The following RNF213 variants were observed in gnomAD, a reference collection of about 807,000 sequenced individuals.
RNF213 encodes the protein E3 ubiquitin-protein ligase RNF213.
In RNF213, 341 loss-of-function variants were observed where a neutral mutation model predicts 514.4. That is an observed-to-expected ratio of 0.66 (90% confidence interval 0.61 to 0.73). The LOEUF (loss-of-function observed/expected upper bound fraction) is 0.73, where lower values mean the gene tolerates loss of function less well. RNF213 is among the 30% of genes least tolerant of loss of function. The pLI is 0.00. For missense variants in RNF213, 5,767 were observed against 6,615.6 expected (o/e 0.87, Z 4.45); for synonymous variants, 2,655 against 2,658.2 (o/e 1.00, Z 0.04).
At chr17:80,386,119 A>T (rs773192577) in intron 61 of RNF213, 131 bp from the exon 62 acceptor site, 6 of 820,330 alleles carry the variant, frequency 7.3e-6, no homozygotes, top group Non-Finnish European at 1.0e-5. Context: ...AGCATATGAG[A>T]TGGGGCAGAA....
rs2078227240 is a variant in RNF213, at chr17:80,343,708, C to T, written c.6184-149C>T. ...TAGTATTAGGATTTTATGGGGCTGC[C>T]CTTGGAGACATGGGCCGTTGTTGGC... is the stretch of plus-strand genomic sequence containing the variant. On this transcript the variant is annotated intron_variant, in intron 27 of 67. Transcript: ENST00000582970. This position sits in a 1 kb window ranked among gnomAD's most constrained non-coding sequence, Gnocchi z 4.3. The T allele has an allele frequency of 1.2e-6, 1 of 837,100 alleles. No individual in the cohort carries two copies. The highest frequency in any genetic ancestry group is 2.1e-6 in the Non-Finnish European group (1 of 483,200). The allele number at this position is 837,100 out of a possible 1,614,324, so 51.9% of individuals were successfully genotyped here.
Position 80,288,079 on chromosome 17 carries a change from G to C in RNF213, c.526G>C (p.Ala176Pro). The C allele has an allele frequency of 6.2e-7, 1 of 1,609,098 alleles. No homozygotes were observed. The highest frequency in any genetic ancestry group is 1.3e-5 in the African/African-American group (1 of 74,924). ...PTEVGDSPLQ[A>P]QALGEAGVAT... is the part of the protein sequence containing the mutation. ...CGAGGTTGGCGACAGCCCCCTGCAG[G>C]CCCAGGCTTTGGGAGAGGCAGGAGT... The change falls in exon 4 of 68, where the codon GCC becomes CCC. Residue 176 changes from alanine (A) to proline (P), a missense_variant. Transcript: ENST00000582970. The surrounding 1 kb of genome is among the most constrained non-coding windows in gnomAD (Gnocchi z 4.9).
At chr17:80,341,643 T>C (rs7207660) in intron 26 of RNF213, 105,284 of 151,968 alleles carry the variant, frequency 0.69, 36,867 homozygotes, top group Middle Eastern at 0.73. Flanking sequence ...AAGGCTGACT[T>C]GGGAGGATCG....
rs2079731411 is a variant in RNF213, at chr17:80,375,826, A to G, written c.13141A>G (p.Ile4381Val). The G allele has an allele frequency of 1.9e-6, 3 of 1,614,152 alleles. No individual in the cohort carries two copies. Among genetic ancestry groups the G allele is most frequent in the South Asian group, 1.1e-5 (1 of 91,080 alleles). ...GTTAACACTGTTTAGAGAGGTGGCT[A>G]TTTTGTACAGATCCCACAATGCAAG... ...FLLTLFREVA[I>V]LYRSHNASLH... The change falls in exon 51 of 68, where the codon ATT becomes GTT. Residue 4381 changes from isoleucine to valine, a missense_variant. Around this residue, in one of 13 missense-constraint regions of RNF213, gnomAD observed 1,245 missense variants for 1,339.0 expected, o/e 0.93. Coordinates refer to ENST00000582970, the MANE Select transcript of RNF213 (RefSeq NM_001256071.3).
intron 10 of RNF213, among the ~76,000 whole-genome samples, chr17:80,297,207 T>G (rs541753836): frequency 7.9e-5 from 12 of 151,618 alleles, no homozygotes; most frequent in African/African-American, 2.7e-4. Context: ...ATCCCAGCAC[T>G]TTGGGAGGTC....
At position 80,339,386 on chromosome 17, in the gene RNF213, G is replaced by T; in HGVS notation, c.5019G>T (p.Leu1673=). 6.5e-7 allele frequency: 1 copy of T among 1,537,262 alleles called. No homozygotes were observed. The highest frequency in any genetic ancestry group is 8.7e-7 in the Non-Finnish European group (1 of 1,146,918). ...AAGGTGGAGATGTCACTGAGCTGCT[G>T]GCAGCCCTCTGCAGGCAGATGGAGC... ...LKEGGDVTEL[L]AALCRQMEHF... The change falls in exon 26 of 68, where the codon CTG becomes CTT. Residue 1673 remains leucine, a synonymous_variant. Transcript: ENST00000582970.
At chr17:80,375,564 G>C (rs1291209453) in intron 50 of RNF213, among the ~76,000 whole-genome samples, 196 bp from the exon 51 acceptor site, 5 of 151,954 alleles carry the variant, frequency 3.3e-5, no homozygotes, top group African/African-American at 1.2e-4. Context: ...GAATTAGCCG[G>C]ACATGGTTGC....
intron 13 of RNF213, 104 bp from the exon 14 acceptor site, chr17:80,308,914 C>G: frequency 1.4e-6 from 2 of 1,380,810 alleles, no homozygotes; most frequent in South Asian, 1.2e-5. Flanking sequence ...AACAAATGCC[C>G]TGTTGGTAGT....
intron 38 of RNF213, chr17:80,360,479 G>A: frequency 2.1e-6 from 1 of 473,420 alleles, no homozygotes; most frequent in Non-Finnish European, 3.9e-6. Context: ...GATGGCCAGG[G>A]ATATGGCGAA....
At chr17:80,296,356 T>C (rs1191247824) in intron 10 of RNF213, among the ~76,000 whole-genome samples, 1 of 152,206 alleles carries the variant, frequency 6.6e-6, no homozygotes, top group Non-Finnish European at 1.5e-5. Context: ...TGTGGTATCA[T>C]GAGCAGCCTC....
rs757513532 is a variant in RNF213 at position 80,295,590 on chromosome 17, C to G, written c.1789C>G (p.His597Asp). The change falls in exon 10 of 68, where the codon CAC (histidine) becomes GAC (aspartate). Residue 597 changes from histidine to aspartate, a missense_variant. Physicochemically the swap from His to Asp is moderately conservative, Grantham distance 81 (BLOSUM62 -1). Coordinates refer to ENST00000582970, the MANE Select transcript of RNF213 (RefSeq NM_001256071.3). ...ATACCTGTGGCAACATCTGAAAAAA[C>G]ACGTGGTACCATTGCCGGACGGAAA... The part of the protein sequence containing the change: ...KRYLWQHLKK[H>D]VVPLPDGKST... 2.5e-6 allele frequency: 4 copies of G among 1,614,078 alleles called. No homozygotes were observed. The Admixed American group carries it at 6.7e-5, about 27-fold the overall frequency.
chr17:80,362,595 C>T (rs554711600), intron 39 of RNF213, among the ~76,000 whole-genome samples: 25 of 152,240 alleles, frequency 1.6e-4, no homozygotes, highest in Non-Finnish European at 7.3e-5. Flanking sequence ...CCAGGCCACG[C>T]GGCTGACAGT....
intron 17 of RNF213, chr17:80,319,563 G>T (rs1568066339): frequency 1.2e-6 from 2 of 1,602,796 alleles, no homozygotes. Flanking sequence ...TCACGGCCGT[G>T]CGCGTGTGGC....
At chr17:80,328,939 C>T (rs368142747) in intron 20 of RNF213, among the ~76,000 whole-genome samples, 1 of 152,262 alleles carries the variant, frequency 6.6e-6, no homozygotes, top group African/African-American at 2.4e-5. Context: ...CTGTTTTCCA[C>T]AGAATTACAT....
chr17:80,277,480 C>T (rs1217046406), intron 3 of RNF213, among the ~76,000 whole-genome samples: 1 of 151,608 alleles, frequency 6.6e-6, no homozygotes, highest in African/African-American at 2.4e-5. Flanking sequence ...TGCCTGTAAT[C>T]CCAGCTACTC....
Position 80,353,052 on chromosome 17 carries a change from G to C in RNF213, c.10416G>C (p.Leu3472Phe). The change falls in exon 33 of 68, where the codon TTG (leucine) becomes TTC (phenylalanine). Residue 3472 changes from leucine to phenylalanine, a missense_variant. This residue lies in a region of RNF213 where 919 missense variants were observed against 1,121.0 expected (regional missense o/e 0.82). Transcript: ENST00000582970. This position sits in a 1 kb window ranked among gnomAD's most constrained non-coding sequence, Gnocchi z 5.0. ...TISQLFAPGD[L>F]PELGLEHRAE... ...GCCAGCTGTTCGCGCCCGGAGACTT[G>C]CCTGAGCGTGAGTCACGAGGCGGAG... 6.2e-7 allele frequency: 1 copy of C among 1,612,406 alleles called. No homozygotes were observed. Among genetic ancestry groups the C allele is most frequent in the South Asian group, 1.1e-5 (1 of 91,088 alleles).
intron 38 of RNF213, 133 bp from the exon 39 acceptor site, chr17:80,361,601 T>G: frequency 2.3e-6 from 2 of 873,242 alleles, no homozygotes; most frequent in Non-Finnish European, 3.8e-6. Flanking sequence ...AATCAGGCAG[T>G]TGGTACCCCT....
intron 57 of RNF213, 114 bp downstream of exon 57, chr17:80,381,841 G>A (rs1323774298): frequency 3.0e-6 from 3 of 1,015,230 alleles, no homozygotes; most frequent in East Asian, 2.6e-5. Flanking sequence ...TGTCTGTGCT[G>A]TTGCTGGAAA....
chr17:80,388,530 C>T (rs539054541), intron 63 of RNF213, 82 bp from the exon 64 acceptor site: 53 of 968,444 alleles, frequency 5.5e-5, no homozygotes, highest in South Asian at 1.0e-4. Flanking sequence ...TGCAGTTTTC[C>T]GGCTGCAGAT....
Sources: gnomAD v4.1 joint callset for allele counts (sites outside exome capture counted in the v4.1 genomes callset) on GRCh38, gnomAD v4.1.1 for gene constraint, gnomAD v4.1.1 regional missense constraint, Gnocchi (gnomAD v3.1) non-coding constraint, MANE v1.5 for transcripts, NCBI Gene and HGNC (gene_info 2026-07-23, HGNC 2026-07-21) for gene names.